Variants in ABCA6 observed in about 807,000 individuals in gnomAD.
ABCA6 encodes ATP binding cassette subfamily A member 6, also known as ATP-binding cassette sub-family A member 6.
Under a neutral mutation model 191.2 loss-of-function variants are expected in ABCA6, and 164 were observed. The ratio of observed to expected loss-of-function variants is 0.86; its 90% CI spans 0.76 to 0.98. The LOEUF is 0.98. Ranked by LOEUF, ABCA6 falls within the 50% of genes least tolerant of loss-of-function variation. The pLI is 0.00. For synonymous variants in ABCA6, 636 were observed against 647.7 expected (o/e 0.98, Z 0.27); for missense variants, 1,958 against 1,894.1 (o/e 1.03, Z -0.63).
chr17:69,083,990 T>C (rs1033228380), intron 34 of ABCA6, among the ~76,000 whole-genome samples: 1 of 152,144 alleles, frequency 6.6e-6, no homozygotes, highest in African/African-American at 2.4e-5. Context: ...GACATCTCAA[T>C]AATTAAAAGG....
chr17:69,095,092 AC>A (rs1457965612), intron 25 of ABCA6: 1 of 206,948 alleles, frequency 4.8e-6, no homozygotes, highest in Non-Finnish European at 1.0e-5. Flanking sequence ...CTAGACAGAT[AC>A]AAGAGTGCTG....
intron 19 of ABCA6, 75 bp downstream of exon 19, chr17:69,105,953 G>C: frequency 1.4e-6 from 2 of 1,459,148 alleles, no homozygotes; most frequent in Non-Finnish European, 1.8e-6. Context: ...TTGCGTTCTA[G>C]TTTTAAATTA....
chr17:69,088,636 C>G lies in ABCA6; in HGVS notation c.3607-378G>C, dbSNP rs75061341. 7.2e-4 allele frequency among the ~76,000 whole-genome samples: 110 copies of G among 152,326 alleles called. 1 individual carries two copies. In the East Asian group the frequency reaches 0.019, roughly 26 times the overall value. On this transcript the variant is annotated intron_variant, in intron 27 of 38. Transcript: ENST00000284425. ...TTGTTCTAAACATCTGTTCTCAATA[C>G]AGTATCCTGAGCTACTTTTTTAATA...
At chr17:69,133,576 A>C (rs2073900736) in intron 6 of ABCA6, 65 bp downstream of exon 6, 17 of 1,209,368 alleles carry the variant, frequency 1.4e-5, no homozygotes, top group Non-Finnish European at 2.0e-5. Context: ...TGAAACAATA[A>C]CACTTTTTCA....
In ABCA6 at chr17:69,136,075, T is replaced by C. The variant is rs570371090; in HGVS notation, c.460+17A>G. ...AACATGAAAAATTCCATAATGATAT[T>C]TGATATGGAAAGTCACCTGAGAAAT... On this transcript the variant is annotated intron_variant, in intron 4 of 38. Coordinates refer to ENST00000284425, the MANE Select transcript of ABCA6 (RefSeq NM_080284.3). 6.2e-7 allele frequency: 1 copy of C among 1,605,198 alleles called. No homozygotes were observed. The highest frequency in any genetic ancestry group is 1.1e-5 in the South Asian group (1 of 90,284).
chr17:69,139,961 G>A (rs191678371), intron 2 of ABCA6, among the ~76,000 whole-genome samples: 10 of 136,794 alleles, frequency 7.3e-5, no homozygotes, highest in East Asian at 2.4e-4. Flanking sequence ...ATGGGGGGAG[G>A]GGGGAGGGAT....
At position 69,133,697 on chromosome 17, in the gene ABCA6, CTCTTT is replaced by C. The variant is rs2144716513; in HGVS notation, c.730_734del (p.Lys244GlufsTer5). Reference sequence around the variant, plus strand: ...TCATCAAATTCTTAGACTTTTTTCTCTCTTTTGTTACATTGAGTGATATAAAATAT... The same window carrying C: ...TCATCAAATTCTTAGACTTTTTTCTCTGTTACATTGAGTGATATAAAATAT... On this transcript the variant is annotated frameshift_variant, in exon 6 of 39. Coordinates refer to ENST00000284425, the MANE Select transcript of ABCA6 (RefSeq NM_080284.3). LOFTEE classifies it high-confidence loss of function. 4 of 1,607,560 alleles carry C rather than the reference CTCTTT, an allele frequency of 2.5e-6. No individual in the cohort carries two copies. Among genetic ancestry groups the C allele is most frequent in the Non-Finnish European group, 3.4e-6 (4 of 1,175,660 alleles).
chr17:69,139,016 C>T (rs988262241), intron 2 of ABCA6, among the ~76,000 whole-genome samples: 20 of 152,164 alleles, frequency 1.3e-4, no homozygotes, highest in African/African-American at 4.8e-4. Context: ...TAGGCATTAC[C>T]ATTCAGGACA....
At chr17:69,105,384 C>T (rs1416849111) in intron 20 of ABCA6, 78 bp downstream of exon 20, 20 of 1,362,452 alleles carry the variant, frequency 1.5e-5, no homozygotes, top group Non-Finnish European at 1.6e-5. Flanking sequence ...TTATGATTCA[C>T]TTCCCCCCCC....
At position 69,110,823 on chromosome 17, in the gene ABCA6, C is replaced by A; in HGVS notation, c.2250G>T (p.Leu750=). The A allele has an allele frequency of 6.2e-7, 1 of 1,609,298 alleles. No individual in the cohort carries two copies. Among genetic ancestry groups the A allele is most frequent in the East Asian group, 2.2e-5 (1 of 44,658 alleles). The change falls in exon 17 of 39, where the codon CTG becomes CTT. Residue 750 remains leucine (L), a synonymous_variant. Transcript: ENST00000284425. ...TACCTGGAAATGTATTTGTCCTTTCCAGTGGCAAAGTATATACAAGCTTTT... is the reference window on the plus strand; with the variant it reads ...TACCTGGAAATGTATTTGTCCTTTCAAGTGGCAAAGTATATACAAGCTTTT... The part of the protein sequence containing the change: ...NKEKLVYTLP[L]ERTNTFPDLF...
chr17:69,090,045 C>T (rs1426780126), intron 26 of ABCA6, among the ~76,000 whole-genome samples: 1 of 152,176 alleles, frequency 6.6e-6, no homozygotes, highest in Non-Finnish European at 1.5e-5. Context: ...CAGAAAGTTA[C>T]TCATTCCTCC....
At chr17:69,137,909 A>G (rs1004862626) in intron 2 of ABCA6, among the ~76,000 whole-genome samples, 9 of 152,188 alleles carry the variant, frequency 5.9e-5, no homozygotes, top group Admixed American at 2.0e-4. Flanking sequence ...AAAGAAAATG[A>G]AAAGGAACTG....
At position 69,078,895 on chromosome 17, in the gene ABCA6, A is replaced by C. The variant is rs374668465; in HGVS notation, c.*78T>G. On this transcript the variant is annotated 3_prime_UTR_variant, in exon 39 of 39. Coordinates refer to ENST00000284425, the MANE Select transcript of ABCA6 (RefSeq NM_080284.3). Reference sequence around the variant, plus strand: ...CTGATGTTAATTTTAAATGATCTTTAAAATTAAACATACTATTAATTATTA... The same window carrying C: ...CTGATGTTAATTTTAAATGATCTTTCAAATTAAACATACTATTAATTATTA... 1.3e-6 allele frequency: 1 copy of C among 787,576 alleles called. No homozygotes were observed. Among genetic ancestry groups the C allele is most frequent in the Non-Finnish European group, 1.9e-6 (1 of 529,166 alleles). 48.8% of individuals were successfully genotyped at this position (787,576 alleles called of 1,614,324 possible).
rs551405909 is a variant in ABCA6, at chr17:69,132,972, G to C, written c.791+669C>G. ...ATATGTATACATAGCACATATGTAT[G>C]TGTACACGCACTCATGATTTCAAAA... is the stretch of plus-strand genomic sequence containing the variant. On this transcript the variant is annotated intron_variant, in intron 6 of 38. Transcript: ENST00000284425. Among the ~76,000 whole-genome samples the C allele has an allele frequency of 1.1e-4, 17 of 152,270 alleles. No individual in the cohort carries two copies. The East Asian group carries it at 3.3e-3, about 29-fold the overall frequency.
chr17:69,117,877 T>A (rs750478265), intron 11 of ABCA6, 21 bp downstream of exon 11: 79 of 1,514,252 alleles, frequency 5.2e-5, no homozygotes, highest in African/African-American at 2.7e-4. Flanking sequence ...AAGAATGAAA[T>A]TTTTCAATGT....
At position 69,123,316 on chromosome 17, in the gene ABCA6, T is replaced by C. The variant is rs1435511693; in HGVS notation, c.1359A>G (p.Lys453=). Residue 453 remains lysine (K), a synonymous_variant, in exon 10 of 39, where the codon AAA becomes AAG. Coordinates refer to ENST00000284425, the MANE Select transcript of ABCA6 (RefSeq NM_080284.3). ...CAGAGGGATGCTCAGCATCGATTTC[T>C]TTCTCAATAACCTTAGCATTAGTCC... ...HQRTNAKVIE[K]EIDAEHPSDD... 2 of 1,577,170 alleles carry C rather than the reference T, an allele frequency of 1.3e-6. No individual in the cohort carries two copies. The highest frequency in any genetic ancestry group is 1.7e-6 in the Non-Finnish European group (2 of 1,157,072).
chr17:69,140,578 C>T (rs553779771), intron 2 of ABCA6, 30 bp downstream of exon 2: 19 of 1,453,426 alleles, frequency 1.3e-5, no homozygotes, highest in Non-Finnish European at 1.5e-5. Flanking sequence ...AGAGTGCTAA[C>T]CGTGGAAAGA....
At chr17:69,137,546 A>T (rs1227568865) in intron 2 of ABCA6, 46 bp from the exon 3 acceptor site, 4 of 1,552,562 alleles carry the variant, frequency 2.6e-6, no homozygotes, top group Non-Finnish European at 3.5e-6. Flanking sequence ...GGTTGCATTC[A>T]CTTAAAGATC....
At chr17:69,141,415 C>A (rs554413268) in intron 1 of ABCA6, among the ~76,000 whole-genome samples, 1 of 151,974 alleles carries the variant, frequency 6.6e-6, no homozygotes, top group Non-Finnish European at 1.5e-5. Context: ...ATAAATCACA[C>A]GGGAAAGTAA....
Sources: allele counts gnomAD v4.1 joint callset (sites outside exome capture counted in the v4.1 genomes callset), GRCh38; gene constraint gnomAD v4.1.1; transcripts MANE v1.5; gene names NCBI Gene and HGNC (gene_info 2026-07-23, HGNC 2026-07-21).